Variants in LAMB1 observed in about 807,000 individuals in gnomAD.
The protein encoded by LAMB1 is laminin subunit beta-1.
A neutral mutation model predicts 222.3 loss-of-function variants in LAMB1; 121 were observed. The ratio of observed to expected loss-of-function variants is 0.54; its 90% CI spans 0.47 to 0.63. The LOEUF (loss-of-function observed/expected upper bound fraction) is 0.63, where lower values mean the gene tolerates loss of function less well. Among genes scored for constraint, LAMB1 ranks in the 30% least tolerant of loss-of-function variants. The pLI is 0.00. For missense variants in LAMB1, 2,172 were observed against 2,240.8 expected, an observed-to-expected ratio of 0.97 and a Z score of 0.62; for synonymous variants, 794 against 807.2, an observed-to-expected ratio of 0.98 and a Z score of 0.28.
rs2150427985 is a variant in LAMB1 at position 107,960,575 on chromosome 7, G to A, written c.2184C>T (p.Asn728=). 2.5e-6 allele frequency: 4 copies of A among 1,614,176 alleles called. No homozygotes were observed. Among genetic ancestry groups the A allele is most frequent in the Non-Finnish European group, 3.4e-6 (4 of 1,179,976 alleles). ...ATCTCTGAAAGGTTTCCCAGGCACT[G>A]TTGGTGACCACCCCATCTCCTGAAC... The part of the protein sequence containing the change: ...VGGSGDGVVT[N]SAWETFQRYR... The change falls in exon 18 of 34, where the codon AAC becomes AAT. Residue 728 remains asparagine, a synonymous_variant. Coordinates refer to ENST00000222399, the MANE Select transcript of LAMB1 (RefSeq NM_002291.3).
chr7:107,973,589 G>A (rs1190240993), intron 12 of LAMB1, among the ~76,000 whole-genome samples: 1 of 152,170 alleles, frequency 6.6e-6, no homozygotes, highest in Non-Finnish European at 1.5e-5. Flanking sequence ...TGGAACAGTA[G>A]GGAAGAGGAG....
chr7:108,000,556 T>C (rs572661457), intron 3 of LAMB1, among the ~76,000 whole-genome samples: 2 of 152,198 alleles, frequency 1.3e-5, no homozygotes, highest in Non-Finnish European at 2.9e-5. Flanking sequence ...TTTAAAAAAA[T>C]TTTTTGAGAC....
At chr7:107,961,098 T>C in intron 17 of LAMB1, 108 bp downstream of exon 17, 3 of 1,263,800 alleles carry the variant, frequency 2.4e-6, no homozygotes, top group Non-Finnish European at 3.3e-6. Context: ...AAAGAATGAT[T>C]CTGCTTACGC....
intron 31 of LAMB1, 89 bp from the exon 32 acceptor site, chr7:107,926,448 C>A: frequency 3.6e-6 from 4 of 1,123,172 alleles, no homozygotes; most frequent in Non-Finnish European, 5.1e-6. Context: ...TAAAAGTCTG[C>A]TGTGCCATTT....
At chr7:108,000,388 C>G (rs1209056921) in intron 3 of LAMB1, among the ~76,000 whole-genome samples, 1 of 152,148 alleles carries the variant, frequency 6.6e-6, no homozygotes, top group African/African-American at 2.4e-5. Context: ...TTTAAGGGAT[C>G]TGCTGTGCAA....
chr7:107,955,711 C>G, intron 20 of LAMB1, 81 bp from the exon 21 acceptor site: 2 of 1,315,256 alleles, frequency 1.5e-6, no homozygotes, highest in Non-Finnish European at 1.0e-6. Flanking sequence ...GAAAACTGTT[C>G]TGTTTGGGCA....
At position 107,986,356 on chromosome 7, in the gene LAMB1, C is replaced by T. The variant is rs1056788383; in HGVS notation, c.431G>A (p.Arg144His). Residue 144 changes from arginine to histidine, a missense_variant, in exon 6 of 34, where the codon CGT becomes CAT. Coordinates refer to ENST00000222399, the MANE Select transcript of LAMB1 (RefSeq NM_002291.3). ...THLIMTFKTF[R>H]PAAMLIERSS... ...TCGTTCTATCAGCATAGCAGCTGGACGGAATGTCTAAAGGCAGGAGCAAAA... is the reference window on the plus strand; with the variant it reads ...TCGTTCTATCAGCATAGCAGCTGGATGGAATGTCTAAAGGCAGGAGCAAAA... 2.5e-6 allele frequency: 4 copies of T among 1,587,556 alleles called. No homozygotes were observed. The highest frequency in any genetic ancestry group is 3.4e-6 in the Non-Finnish European group (4 of 1,162,714).
chr7:107,932,777 C>G (rs942106285), intron 27 of LAMB1, among the ~76,000 whole-genome samples: 1 of 152,008 alleles, frequency 6.6e-6, no homozygotes, highest in Admixed American at 6.5e-5. Flanking sequence ...AGCACCAGCA[C>G]CATGTTAACT....
intron 12 of LAMB1, among the ~76,000 whole-genome samples, chr7:107,974,421 C>A (rs1041799121): frequency 5.3e-5 from 8 of 151,920 alleles, no homozygotes; most frequent in African/African-American, 1.9e-4. Flanking sequence ...TTTTCAGTGG[C>A]AACCAAATAT....
chr7:107,971,032 A>G (rs1255461793), intron 13 of LAMB1, among the ~76,000 whole-genome samples: 1 of 152,204 alleles, frequency 6.6e-6, no homozygotes, highest in Non-Finnish European at 1.5e-5. Context: ...GCGCCTGGCC[A>G]CTTCTTTAAT....
At chr7:107,956,510 A>G (rs924741346) in intron 20 of LAMB1, among the ~76,000 whole-genome samples, 4 of 152,192 alleles carry the variant, frequency 2.6e-5, no homozygotes, top group Non-Finnish European at 5.9e-5. Flanking sequence ...TGCTCCCCAG[A>G]GGAAGAGCCA....
chr7:107,961,538 G>A lies in LAMB1; in HGVS notation c.1985+11C>T, dbSNP rs192349543. 3.1e-5 allele frequency: 50 copies of A among 1,609,088 alleles called. No individual in the cohort carries two copies. Among genetic ancestry groups the A allele is most frequent in the South Asian group, 7.7e-5 (7 of 90,854 alleles). On this transcript the variant is annotated intron_variant, in intron 16 of 33. Transcript: ENST00000222399. Reference sequence around the variant, plus strand: ...AAGCCCGTTGAGCTGCCAAACCACCGTCACACTGACCTTGAGCCTGGTGAT... The same window carrying A: ...AAGCCCGTTGAGCTGCCAAACCACCATCACACTGACCTTGAGCCTGGTGAT...
chr7:107,991,553 C>T (rs2034182107), intron 5 of LAMB1, among the ~76,000 whole-genome samples: 1 of 151,394 alleles, frequency 6.6e-6, no homozygotes, highest in Non-Finnish European at 1.5e-5. Flanking sequence ...TGCCACTGCA[C>T]TCCATCCTGG....
chr7:107,983,338 G>A (rs993551028), intron 7 of LAMB1, among the ~76,000 whole-genome samples: 1 of 152,138 alleles, frequency 6.6e-6, no homozygotes, highest in East Asian at 1.9e-4. Flanking sequence ...AATCAGCCCC[G>A]CCTCTACTCA....
intron 13 of LAMB1, among the ~76,000 whole-genome samples, chr7:107,967,567 C>G (rs1474653422): frequency 2.1e-4 from 32 of 152,154 alleles, no homozygotes. Flanking sequence ...GGTGCCGACT[C>G]TTTGCTTTCC....
rs2033493542 is a variant in LAMB1, at chr7:107,961,289, T to G, written c.2026A>C (p.Thr676Pro). 6.2e-7 allele frequency: 1 copy of G among 1,613,978 alleles called. No homozygotes were observed. Among genetic ancestry groups the G allele is most frequent in the South Asian group, 1.1e-5 (1 of 91,076 alleles). The change falls in exon 17 of 34, where the codon ACA (threonine) becomes CCA (proline). Residue 676 changes from threonine (T) to proline (P), a missense_variant. Coordinates refer to ENST00000222399, the MANE Select transcript of LAMB1 (RefSeq NM_002291.3). ...AGCTCCAACCTCACCGTGTAGTTTG[T>G]TCCCTTCTCAAAGCACACCGGCCGA... ...LPRPVCFEKGTNYTVRLELPQ... is the reference protein window; with the variant it reads ...LPRPVCFEKGPNYTVRLELPQ...
chr7:107,986,525 A>T (rs545948531), intron 5 of LAMB1, among the ~76,000 whole-genome samples, 162 bp from the exon 6 acceptor site: 2 of 152,334 alleles, frequency 1.3e-5, no homozygotes, highest in Admixed American at 1.3e-4. Context: ...AAGCTGTTCC[A>T]CAGAGACTCT....
At chr7:107,984,156 A>G (rs2034027830) in intron 7 of LAMB1, among the ~76,000 whole-genome samples, 2 of 152,190 alleles carry the variant, frequency 1.3e-5, no homozygotes, top group African/African-American at 4.8e-5. Flanking sequence ...TGAAACACCT[A>G]GAGATGTTTC....
intron 19 of LAMB1, 54 bp downstream of exon 19, chr7:107,959,637 A>G: frequency 1.2e-6 from 2 of 1,614,138 alleles, no homozygotes; most frequent in Non-Finnish European, 1.7e-6. Flanking sequence ...GAACCCTGCC[A>G]CAATGGCTGA....
Sources: gnomAD v4.1 joint callset for allele counts (sites outside exome capture counted in the v4.1 genomes callset) on GRCh38, gnomAD v4.1.1 for gene constraint, MANE v1.5 for transcripts, NCBI Gene and HGNC (gene_info 2026-07-23, HGNC 2026-07-21) for gene names.